RBFOX1: variants seen among roughly 807,000 people sequenced by gnomAD.
RBFOX1 encodes RNA binding protein fox-1 homolog 1.
RBFOX1 carries 8 observed loss-of-function variants against 57.7 expected under a neutral mutation model. The observed-to-expected ratio is 0.14, with a 90% CI of 0.08 to 0.25. The LOEUF is 0.25. RBFOX1 is among the 10% of genes least tolerant of loss of function. The pLI, the probability that RBFOX1 is intolerant of heterozygous loss-of-function variation, is 1.00. For missense variants in RBFOX1, 611 were observed against 548.5 expected (o/e 1.11, Z -1.14); for synonymous variants, 326 against 222.4 (o/e 1.47, Z -4.15).
In RBFOX1 at chr16:7,156,201, C is replaced by A. The variant is rs776305348; in HGVS notation, c.27+104103C>A. On this transcript the variant is annotated intron_variant, in intron 4 of 15. Transcript: ENST00000550418. ...TCAACTCTTGATTCCTTTCTCAAGACTTGCTACTCTGGAAGTCCATATATA... is the reference window on the plus strand; with the variant it reads ...TCAACTCTTGATTCCTTTCTCAAGAATTGCTACTCTGGAAGTCCATATATA... Among the ~76,000 whole-genome samples the A allele has an allele frequency of 1.3e-4, 19 of 151,952 alleles. 1 individual carries two copies. The highest frequency in any genetic ancestry group is 2.4e-4 in the Non-Finnish European group (16 of 67,960).
chr16:6,492,286 G>A (rs1221763938), intron 2 of RBFOX1, among the ~76,000 whole-genome samples: 1 of 152,172 alleles, frequency 6.6e-6, no homozygotes, highest in East Asian at 1.9e-4. Flanking sequence ...TTTTGAAAAA[G>A]TAGGCTGGGC....
intron 2 of RBFOX1, among the ~76,000 whole-genome samples, chr16:6,379,746 G>A (rs750000792): frequency 6.4e-4 from 98 of 152,060 alleles, no homozygotes; most frequent in Non-Finnish European, 1.3e-3. Flanking sequence ...CCAGAGACAG[G>A]TGGCTTTGAG....
intron 3 of RBFOX1, among the ~76,000 whole-genome samples, chr16:7,014,781 GTGGCACTGTCTCGGCTC>G (rs1268136532): frequency 6.6e-6 from 1 of 152,130 alleles, no homozygotes; most frequent in Admixed American, 6.5e-5. Context: ...CTGGAGTGCA[GTGGCACTGTCTCGGCTC>G]ACTGCAACCT....
At chr16:5,375,462 A>T (rs1484726172) in intron 1 of RBFOX1, among the ~76,000 whole-genome samples, 1 of 152,050 alleles carries the variant, frequency 6.6e-6, no homozygotes, top group Non-Finnish European at 1.5e-5. Context: ...AGAGTCTGGG[A>T]TAGTGACGGT....
intron 3 of RBFOX1, among the ~76,000 whole-genome samples, chr16:6,813,662 T>A (rs1415112183): frequency 1.3e-5 from 2 of 152,064 alleles, no homozygotes; most frequent in Non-Finnish European, 2.9e-5. Context: ...TCCTTTTCAT[T>A]TTGAATTTCT....
chr16:7,212,866 C>T lies in RBFOX1; in HGVS notation c.27+160768C>T, dbSNP rs117054932. On this transcript the variant is annotated intron_variant, in intron 4 of 15. Coordinates refer to ENST00000550418, the MANE Select transcript of RBFOX1 (RefSeq NM_018723.4). ...AAAATAAAAAGAATAACTTAGGCTA[C>T]AATGATGATGTCGGTGCTGGTGTTG... is the stretch of plus-strand genomic sequence containing the variant. Among the ~76,000 whole-genome samples, 8 of 152,210 alleles carry T rather than the reference C, an allele frequency of 5.3e-5. No homozygotes were observed. In the East Asian group the frequency reaches 1.4e-3, roughly 26 times the overall value.
chr16:6,359,499 A>G (rs531252947), intron 2 of RBFOX1, among the ~76,000 whole-genome samples: 1 of 152,312 alleles, frequency 6.6e-6, no homozygotes, highest in Admixed American at 6.5e-5. Flanking sequence ...GGATGGGAGC[A>G]CATTCTCATA....
At chr16:7,040,892 T>G (rs534080236) in intron 3 of RBFOX1, among the ~76,000 whole-genome samples, 32 of 142,622 alleles carry the variant, frequency 2.2e-4, no homozygotes, top group African/African-American at 6.4e-4. Flanking sequence ...TAAAGTTTTT[T>G]TTTTGTTTTG....
chr16:5,555,784 G>A (rs1006478389), intron 2 of RBFOX1, among the ~76,000 whole-genome samples: 8 of 151,870 alleles, frequency 5.3e-5, no homozygotes, highest in African/African-American at 1.9e-4. Context: ...CACTTTGGGA[G>A]GCCTAGGTGG....
chr16:7,511,365 A>G (rs1345926241), intron 4 of RBFOX1, among the ~76,000 whole-genome samples: 5 of 152,208 alleles, frequency 3.3e-5, no homozygotes, highest in Non-Finnish European at 7.3e-5. Flanking sequence ...GGGAAAAAAC[A>G]ACGACAACAA....
intron 2 of RBFOX1, among the ~76,000 whole-genome samples, chr16:5,569,205 G>A (rs1341301667): frequency 6.6e-6 from 1 of 152,036 alleles, no homozygotes; most frequent in Non-Finnish European, 1.5e-5. Flanking sequence ...CCTAAAGTCA[G>A]GGCATTGGTG....
chr16:5,901,036 T>C (rs573897108), intron 4 of RBFOX1, among the ~76,000 whole-genome samples: 3 of 152,340 alleles, frequency 2.0e-5, no homozygotes, highest in African/African-American at 7.2e-5. Context: ...CAGAGATACC[T>C]GCCTCCTCTC....
At chr16:5,818,894 C>A (rs58857873) in intron 3 of RBFOX1, among the ~76,000 whole-genome samples, 1 of 152,114 alleles carries the variant, frequency 6.6e-6, no homozygotes, top group African/African-American at 2.4e-5. Context: ...GTTCCTCCAC[C>A]CACCAAATAC....
intron 4 of RBFOX1, among the ~76,000 whole-genome samples, chr16:7,363,051 C>T (rs1412326308): frequency 6.6e-6 from 1 of 152,134 alleles, no homozygotes; most frequent in Non-Finnish European, 1.5e-5. Context: ...GTAAATCACC[C>T]AGTGTGGGGC....
Position 6,757,859 on chromosome 16 carries a change from A to G in RBFOX1, c.-16+103209A>G, listed in dbSNP as rs554061046. 1.2e-4 allele frequency among the ~76,000 whole-genome samples: 19 copies of G among 152,336 alleles called. No individual in the cohort carries two copies. The South Asian group carries it at 3.9e-3, about 32-fold the overall frequency. ...GTGATGGATACCCCCAATTACCCTGATCATAACACATTGTGTGCATGTATC... is the reference window on the plus strand; with the variant it reads ...GTGATGGATACCCCCAATTACCCTGGTCATAACACATTGTGTGCATGTATC... On this transcript the variant is annotated intron_variant, in intron 3 of 15. Transcript: ENST00000550418.
At chr16:5,242,453 G>A (rs142362276) in intron 1 of RBFOX1, among the ~76,000 whole-genome samples, 5,920 of 138,434 alleles carry the variant, frequency 0.043, 242 homozygotes, top group African/African-American at 0.11. Context: ...GCTGCCCACA[G>A]TGCCCGCCAG....
At chr16:6,969,256 A>G (rs2153565327) in intron 3 of RBFOX1, among the ~76,000 whole-genome samples, 1 of 152,188 alleles carries the variant, frequency 6.6e-6, no homozygotes, top group African/African-American at 2.4e-5. Flanking sequence ...AAGACCTTGG[A>G]GATTATGGAT....
chr16:5,867,382 G>A, intron 4 of RBFOX1: 1 of 1,115,240 alleles, frequency 9.0e-7, no homozygotes, highest in Non-Finnish European at 1.1e-6. Flanking sequence ...GTTTGAAGTG[G>A]GTTTCTTTTG....
chr16:5,988,821 T>C (rs1464833452), intron 4 of RBFOX1, among the ~76,000 whole-genome samples: 1 of 152,062 alleles, frequency 6.6e-6, no homozygotes, highest in Non-Finnish European at 1.5e-5. Context: ...AAATGCATAG[T>C]GATAGTTAAC....
Sources: gnomAD v4.1 joint callset for allele counts (sites outside exome capture counted in the v4.1 genomes callset) on GRCh38, gnomAD v4.1.1 for gene constraint, MANE v1.5 for transcripts, NCBI Gene and HGNC (gene_info 2026-07-23, HGNC 2026-07-21) for gene names.